Variants in SMYD3 observed in about 807,000 individuals in gnomAD.
The protein encoded by SMYD3 is histone-lysine N-methyltransferase SMYD3.
A neutral mutation model predicts 57.7 loss-of-function variants in SMYD3; 36 were observed. The ratio of observed to expected loss-of-function variants is 0.62; its 90% CI spans 0.48 to 0.82. The LOEUF is 0.82. Among genes scored for constraint, SMYD3 ranks in the 40% least tolerant of loss-of-function variants. The probability of loss-of-function intolerance (pLI) is 0.00; values close to 1 mark genes in which losing one functional copy is unlikely to be tolerated. For synonymous variants in SMYD3, 211 were observed against 195.0 expected (o/e 1.08, Z -0.68); for missense variants, 515 against 538.8 (o/e 0.96, Z 0.44).
chr1:245,812,597 CAG>C (rs2048534710), intron 10 of SMYD3, among the ~76,000 whole-genome samples: 1 of 150,790 alleles, frequency 6.6e-6, no homozygotes, highest in Non-Finnish European at 1.5e-5. Flanking sequence ...CACCTGGATG[CAG>C]GTCTAGGAAA....
intron 5 of SMYD3, among the ~76,000 whole-genome samples, chr1:246,132,897 G>A (rs1161121928): frequency 6.6e-6 from 1 of 152,052 alleles, no homozygotes; most frequent in Non-Finnish European, 1.5e-5. Context: ...ACCATCATTA[G>A]TCATTAGGGA....
At chr1:246,264,109 G>A (rs10924655) in intron 5 of SMYD3, among the ~76,000 whole-genome samples, 23,232 of 151,846 alleles carry the variant, frequency 0.15, 2,364 homozygotes, top group East Asian at 0.33. Context: ...CTCAGATTTC[G>A]AATACAGACT....
chr1:246,021,420 C>A (rs1311034665), intron 5 of SMYD3, among the ~76,000 whole-genome samples: 1 of 152,184 alleles, frequency 6.6e-6, no homozygotes, highest in Non-Finnish European at 1.5e-5. Context: ...CACAGAGCCC[C>A]TGACACAGAA....
intron 10 of SMYD3, among the ~76,000 whole-genome samples, chr1:245,817,454 GAA>G (rs1246481776): frequency 6.6e-6 from 1 of 150,594 alleles, no homozygotes; most frequent in East Asian, 2.0e-4. Context: ...GGAAAAAACA[GAA>G]CAGAAAAACT....
chr1:246,484,077 GTACTAGTTACACCTA>G (rs1276134840), intron 1 of SMYD3, among the ~76,000 whole-genome samples: 10 of 89,874 alleles, frequency 1.1e-4, no homozygotes, highest in Admixed American at 3.3e-4. Flanking sequence ...CTAAACCATT[GTACTAGTTACACCTA>G]AAAACACATC....
chr1:246,087,636 G>T (rs998117542), intron 5 of SMYD3, among the ~76,000 whole-genome samples: 19 of 152,256 alleles, frequency 1.2e-4, no homozygotes, highest in African/African-American at 4.6e-4. Context: ...AAACACTTTA[G>T]CCTACCAACA....
intron 11 of SMYD3, among the ~76,000 whole-genome samples, chr1:245,752,518 T>C (rs1175967816): frequency 1.3e-5 from 2 of 152,254 alleles, no homozygotes; most frequent in African/African-American, 2.4e-5. Context: ...TTCACTGGCA[T>C]GCTTTGAACA....
chr1:246,093,630 G>A (rs2060859944), intron 5 of SMYD3, among the ~76,000 whole-genome samples: 1 of 152,120 alleles, frequency 6.6e-6, no homozygotes, highest in Non-Finnish European at 1.5e-5. Flanking sequence ...GATGAAGAGA[G>A]CTTACTTAAT....
intron 5 of SMYD3, among the ~76,000 whole-genome samples, chr1:246,239,020 G>A (rs1031837658): frequency 6.6e-5 from 10 of 151,000 alleles, no homozygotes; most frequent in African/African-American, 2.2e-4. Flanking sequence ...CACGACACTT[G>A]AGCCCACCAC....
At chr1:245,754,982 G>A (rs185274350) in intron 11 of SMYD3, among the ~76,000 whole-genome samples, 1 of 152,332 alleles carries the variant, frequency 6.6e-6, no homozygotes, top group Admixed American at 6.5e-5. Context: ...TCAGGTCTGT[G>A]CTTTCCAGTG....
intron 5 of SMYD3, among the ~76,000 whole-genome samples, chr1:246,052,355 G>C (rs2060079277): frequency 2.0e-5 from 3 of 152,148 alleles, no homozygotes; most frequent in Admixed American, 1.3e-4. Flanking sequence ...GAATGCTAAT[G>C]ATTTCCTATG....
chr1:245,780,974 T>C (rs2046807454), intron 10 of SMYD3, among the ~76,000 whole-genome samples: 3 of 152,188 alleles, frequency 2.0e-5, no homozygotes, highest in African/African-American at 7.2e-5. Flanking sequence ...AGTAACATGC[T>C]GAGTGAAAGA....
At chr1:246,427,926 A>G (rs1172427753) in intron 1 of SMYD3, among the ~76,000 whole-genome samples, 1 of 152,246 alleles carries the variant, frequency 6.6e-6, no homozygotes, top group South Asian at 2.1e-4. Context: ...AAAGATTCTT[A>G]AATCCTTAAC....
intron 5 of SMYD3, among the ~76,000 whole-genome samples, chr1:246,123,367 A>T (rs2061452651): frequency 6.6e-6 from 1 of 152,128 alleles, no homozygotes; most frequent in African/African-American, 2.4e-5. Context: ...AGAGATCGAG[A>T]CCATCCTGAC....
chr1:246,268,845 C>T (rs1317550182), intron 5 of SMYD3, among the ~76,000 whole-genome samples: 1 of 152,124 alleles, frequency 6.6e-6, no homozygotes, highest in Non-Finnish European at 1.5e-5. Flanking sequence ...TCACTGTGCA[C>T]CATGGACTCG....
intron 2 of SMYD3, among the ~76,000 whole-genome samples, chr1:246,351,836 G>C (rs1286971198): frequency 6.6e-6 from 1 of 152,094 alleles, no homozygotes; most frequent in Non-Finnish European, 1.5e-5. Flanking sequence ...TATTGCTTAT[G>C]TTTAAAAATG....
intron 1 of SMYD3, among the ~76,000 whole-genome samples, chr1:246,486,592 T>G (rs989784750): frequency 6.6e-6 from 1 of 152,166 alleles, no homozygotes; most frequent in Non-Finnish European, 1.5e-5. Flanking sequence ...ATAACCCCAT[T>G]TCATTCATTC....
intron 1 of SMYD3, among the ~76,000 whole-genome samples, chr1:246,409,013 AC>A (rs1443359635): frequency 2.3e-5 from 3 of 131,086 alleles, no homozygotes. Flanking sequence ...TCCTTCACCC[AC>A]TTTTTGATGG....
In SMYD3 at chr1:246,422,642, G is replaced by A. The variant is rs752404109; in HGVS notation, c.165-67548C>T. ...TCGCCACGTTAGCCAGGCTGGTCTC[G>A]AACTCCTGACCTCAAGTGATCCACC... is the stretch of plus-strand genomic sequence containing the variant. On this transcript the variant is annotated intron_variant, in intron 1 of 11. Transcript: ENST00000490107. 1.0e-3 allele frequency among the ~76,000 whole-genome samples: 157 copies of A among 152,098 alleles called. 1 individual carries two copies. Among genetic ancestry groups the A allele is most frequent in the Non-Finnish European group, 1.2e-3 (81 of 68,016 alleles).
Sources: allele counts gnomAD v4.1 joint callset (sites outside exome capture counted in the v4.1 genomes callset), GRCh38; gene constraint gnomAD v4.1.1; transcripts MANE v1.5; gene names NCBI Gene and HGNC (gene_info 2026-07-23, HGNC 2026-07-21).